The following TUFT1 variants were observed in gnomAD, a reference collection of about 807,000 sequenced individuals.
TUFT1 encodes the protein tuftelin 1.
Under a neutral mutation model 57.8 loss-of-function variants are expected in TUFT1, and 43 were observed. The observed-to-expected ratio is 0.74, with a 90% CI of 0.58 to 0.96. The LOEUF is 0.96. Ranked by LOEUF, TUFT1 falls within the 40% of genes least tolerant of loss-of-function variation. TUFT1 has a pLI of 0.00. For missense variants in TUFT1, 459 were observed against 489.0 expected (o/e 0.94, Z 0.58); for synonymous variants, 166 against 176.7 (o/e 0.94, Z 0.48).
Position 151,574,389 on chromosome 1 carries a change from G to T in TUFT1, c.714G>T (p.Gly238=). The part of the protein sequence containing the change: ...EVGELQRRLL[G]METEHQALLA... ...GAGAGCTGCAGAGGCGCTTGCTAGGGATGGAGACGGTAACCGGGGGATCTT... is the reference window on the plus strand; with the variant it reads ...GAGAGCTGCAGAGGCGCTTGCTAGGTATGGAGACGGTAACCGGGGGATCTT... The change falls in exon 8 of 13, where the codon GGG becomes GGT. Residue 238 remains glycine, a synonymous_variant. Coordinates refer to ENST00000368849, the MANE Select transcript of TUFT1 (RefSeq NM_020127.3). 1.2e-6 allele frequency: 2 copies of T among 1,614,116 alleles called. No individual in the cohort carries two copies. Among genetic ancestry groups the T allele is most frequent in the South Asian group, 2.2e-5 (2 of 91,080 alleles).
chr1:151,562,971 T>C (rs990753806), intron 3 of TUFT1, among the ~76,000 whole-genome samples: 1 of 152,220 alleles, frequency 6.6e-6, no homozygotes, highest in Non-Finnish European at 1.5e-5. Flanking sequence ...CTAGAGGTTG[T>C]GGAGACAGGT....
intron 1 of TUFT1, among the ~76,000 whole-genome samples, chr1:151,551,078 A>G (rs146524838): frequency 6.6e-6 from 1 of 152,332 alleles, no homozygotes; most frequent in Non-Finnish European, 1.5e-5. Flanking sequence ...TCCCCCCAAA[A>G]TAGCTCATTA....
chr1:151,566,129 G>C (rs760445876), intron 5 of TUFT1, 34 bp from the exon 6 acceptor site: 1 of 1,485,122 alleles, frequency 6.7e-7, no homozygotes, highest in African/African-American at 1.4e-5. Flanking sequence ...GCTTTCATCT[G>C]TTTTAACTAC....
intron 1 of TUFT1, among the ~76,000 whole-genome samples, chr1:151,546,528 C>T (rs375538546): frequency 1.3e-4 from 20 of 152,236 alleles, no homozygotes; most frequent in East Asian, 1.2e-3. Flanking sequence ...TCCCCATTTC[C>T]CCCCAATCTC....
At chr1:151,578,121 A>G (rs761591725) in intron 9 of TUFT1, among the ~76,000 whole-genome samples, 1 of 152,030 alleles carries the variant, frequency 6.6e-6, no homozygotes, top group Non-Finnish European at 1.5e-5. Flanking sequence ...GAGACTGGCC[A>G]CTTTCTGACA....
At chr1:151,556,874 T>C (rs1665716681) in intron 1 of TUFT1, among the ~76,000 whole-genome samples, 1 of 152,120 alleles carries the variant, frequency 6.6e-6, no homozygotes, top group Non-Finnish European at 1.5e-5. Context: ...CGTGGGAGGC[T>C]GAGGTAGGAG....
intron 2 of TUFT1, 124 bp from the exon 3 acceptor site, chr1:151,562,461 A>T: frequency 1.2e-6 from 1 of 866,376 alleles, no homozygotes; most frequent in African/African-American, 1.7e-5. Flanking sequence ...AAGTCAGACT[A>T]ATCCTTCAAG....
intron 1 of TUFT1, among the ~76,000 whole-genome samples, chr1:151,542,960 A>G (rs577709986): frequency 6.6e-6 from 1 of 152,224 alleles, no homozygotes; most frequent in Non-Finnish European, 1.5e-5. Flanking sequence ...TGAGTCAATA[A>G]ATAAATGAAC....
chr1:151,569,311 G>A lies in TUFT1; in HGVS notation c.481-346G>A, dbSNP rs1441656215. Among the ~76,000 whole-genome samples, 3 of 152,316 alleles carry A rather than the reference G, an allele frequency of 2.0e-5. No individual in the cohort carries two copies. In the East Asian group the frequency reaches 5.8e-4, roughly 29 times the overall value. ...ACATGGTCTCTGCTCTCAGAGAGCT[G>A]TAGGCAGATAGAGGGAAGCAGGATG... On this transcript the variant is annotated intron_variant, in intron 6 of 12. Transcript: ENST00000368849.
chr1:151,546,862 A>G (rs1020182632), intron 1 of TUFT1, among the ~76,000 whole-genome samples: 1 of 152,206 alleles, frequency 6.6e-6, no homozygotes. Context: ...GTGTGGAAAT[A>G]TATTTTCATT....
rs1207755781 is a variant in TUFT1 at position 151,578,766 on chromosome 1, C to A, written c.864C>A (p.Ile288=). Residue 288 remains isoleucine (I), a synonymous_variant, in exon 10 of 13, where the codon ATC becomes ATA. Coordinates refer to ENST00000368849, the MANE Select transcript of TUFT1 (RefSeq NM_020127.3). The part of the protein sequence containing the change: ...EKEVAGLREK[I]HHLDDMLKSQ... The stretch of plus-strand genomic sequence containing the variant: ...AAGTGGCCGGGTTGCGGGAGAAGAT[C>A]CACCACTTGGATGACATGCTCAAGA... 2 of 1,584,306 alleles carry A rather than the reference C, an allele frequency of 1.3e-6. No individual in the cohort carries two copies. The highest frequency in any genetic ancestry group is 1.7e-6 in the Non-Finnish European group (2 of 1,164,038).
intron 1 of TUFT1, chr1:151,545,975 T>A (rs113442535): frequency 2.5e-5 from 9 of 358,918 alleles, no homozygotes; most frequent in African/African-American, 1.3e-4. Context: ...ATCAGTTTTA[T>A]CTTTCTTTCG....
intron 1 of TUFT1, among the ~76,000 whole-genome samples, chr1:151,561,009 T>TGTGTGTGTGTGTGTGTG (rs1665870457): frequency 6.8e-6 from 1 of 147,566 alleles, no homozygotes; most frequent in Non-Finnish European, 1.5e-5. Context: ...TGTGTGAGTG[T>TGTGTGTGTGTGTGTGTG]TTGAGACGGA....
At position 151,578,726 on chromosome 1, in the gene TUFT1, C is replaced by G; in HGVS notation, c.824C>G (p.Ala275Gly). ...ADCQAEREKA[A>G]TLEKEVAGLR... ...CTTCTGGTCTTTATCCCCAGGGCTG[C>G]TACCCTGGAAAAGGAAGTGGCCGGG... is the stretch of plus-strand genomic sequence containing the variant. Residue 275 changes from alanine to glycine, a missense_variant, in exon 10 of 13, where the codon GCT becomes GGT. Ala to Gly is a moderately conservative substitution (Grantham distance 60). Coordinates refer to ENST00000368849, the MANE Select transcript of TUFT1 (RefSeq NM_020127.3). 1 of 1,564,816 alleles carries G rather than the reference C, an allele frequency of 6.4e-7. No homozygotes were observed. The highest frequency in any genetic ancestry group is 8.7e-7 in the Non-Finnish European group (1 of 1,153,426).
chr1:151,581,743 T>TCTGCCTCGGAGAAGCCCACTGCCC lies in TUFT1; in HGVS notation c.*40_*63dup. ...GATGGTTGCTGCCATTGCTGCTGCCTCTGCCTCGGAGAAGCCCACTGCCCC... is the reference window on the plus strand; with the variant it reads ...GATGGTTGCTGCCATTGCTGCTGCCTCTGCCTCGGAGAAGCCCACTGCCCCTGCCTCGGAGAAGCCCACTGCCCC... On this transcript the variant is annotated 3_prime_UTR_variant, in exon 13 of 13. Transcript: ENST00000368849. 1 of 1,611,594 alleles carries TCTGCCTCGGAGAAGCCCACTGCCC rather than the reference T, an allele frequency of 6.2e-7. No homozygotes were observed.
chr1:151,562,697 T>C lies in TUFT1; in HGVS notation c.237+11T>C. 1 of 1,608,484 alleles carries C rather than the reference T, an allele frequency of 6.2e-7. No homozygotes were observed. On this transcript the variant is annotated intron_variant, in intron 3 of 12. Coordinates refer to ENST00000368849, the MANE Select transcript of TUFT1 (RefSeq NM_020127.3). ...GAGGAGATCATTAAGGTAAGCTTAG[T>C]TCACCTCCAACTTTTCTCCCTGTCC... is the stretch of plus-strand genomic sequence containing the variant.
intron 1 of TUFT1, chr1:151,558,017 G>A: frequency 2.4e-6 from 1 of 424,432 alleles, no homozygotes; most frequent in Non-Finnish European, 4.5e-6. Context: ...ACCTAAGAGG[G>A]GAAGGAAATC....
chr1:151,575,381 C>T (rs947477782), intron 9 of TUFT1, among the ~76,000 whole-genome samples: 10 of 152,072 alleles, frequency 6.6e-5, no homozygotes, highest in Non-Finnish European at 1.5e-4. Context: ...TGACTGTAAA[C>T]TGTTTGAGGG....
chr1:151,565,985 T>G, intron 5 of TUFT1, 178 bp from the exon 6 acceptor site: 1 of 484,672 alleles, frequency 2.1e-6, no homozygotes, highest in Non-Finnish European at 3.8e-6. Context: ...TCTTCTCCTT[T>G]CTTCATTCCT....
Sources: allele counts gnomAD v4.1 joint callset (sites outside exome capture counted in the v4.1 genomes callset), GRCh38; gene constraint gnomAD v4.1.1; transcripts MANE v1.5; gene names NCBI Gene and HGNC (gene_info 2026-07-23, HGNC 2026-07-21).